Variants in TANGO6 observed in about 807,000 individuals in gnomAD.
TANGO6 encodes transport and golgi organization 6 homolog, also known as transport and Golgi organization protein 6 homolog.
In TANGO6, 90 loss-of-function variants were observed where a neutral mutation model predicts 114.2. The ratio of observed to expected loss-of-function variants is 0.79; its 90% CI spans 0.66 to 0.94. The LOEUF is 0.94. TANGO6 is among the 40% of genes least tolerant of loss of function. The pLI is 0.00. For missense variants in TANGO6, 1,274 were observed against 1,315.3 expected, an observed-to-expected ratio of 0.97 and a Z score of 0.49; for synonymous variants, 477 against 509.8, an observed-to-expected ratio of 0.94 and a Z score of 0.87.
intron 14 of TANGO6, among the ~76,000 whole-genome samples, chr16:68,932,186 G>A (rs755903677): frequency 5.9e-5 from 9 of 152,128 alleles, no homozygotes; most frequent in Non-Finnish European, 1.3e-4. Context: ...CGCCTCCCGG[G>A]TTCAAGCGAT....
chr16:68,887,458 G>T (rs1962554519), intron 7 of TANGO6, among the ~76,000 whole-genome samples: 1 of 152,178 alleles, frequency 6.6e-6, no homozygotes, highest in Non-Finnish European at 1.5e-5. Flanking sequence ...TGCCAGCAGA[G>T]AGGAACAAGA....
intron 9 of TANGO6, among the ~76,000 whole-genome samples, 195 bp from the exon 10 acceptor site, chr16:68,907,248 A>G (rs1350434520): frequency 6.6e-6 from 1 of 152,048 alleles, no homozygotes; most frequent in Non-Finnish European, 1.5e-5. Context: ...CGCCTGGCCC[A>G]TAACAGCCTA....
At chr16:69,059,153 C>T (rs1960078818) in intron 17 of TANGO6, among the ~76,000 whole-genome samples, 1 of 151,488 alleles carries the variant, frequency 6.6e-6, no homozygotes, top group Non-Finnish European at 1.5e-5. Flanking sequence ...TGGCTCACTA[C>T]AACCTCTGCC....
intron 15 of TANGO6, among the ~76,000 whole-genome samples, chr16:68,975,628 G>A: frequency 6.6e-6 from 1 of 151,866 alleles, no homozygotes; most frequent in African/African-American, 2.4e-5. Flanking sequence ...TGCATTCATG[G>A]CTTACTGCAG....
chr16:68,974,585 T>G (rs1963742539), intron 15 of TANGO6, among the ~76,000 whole-genome samples: 1 of 152,106 alleles, frequency 6.6e-6, no homozygotes, highest in African/African-American at 2.4e-5. Context: ...CGCTTGAACC[T>G]GGGAGGCAGA....
chr16:68,895,361 TATAAA>T (rs945150232), intron 7 of TANGO6, among the ~76,000 whole-genome samples: 1 of 151,986 alleles, frequency 6.6e-6, no homozygotes, highest in Non-Finnish European at 1.5e-5. Flanking sequence ...AAAATAAAAA[TATAAA>T]ATAAAAAAAT....
At chr16:68,930,408 C>T (rs999087508) in intron 14 of TANGO6, 113 bp downstream of exon 14, 7 of 824,052 alleles carry the variant, frequency 8.5e-6, no homozygotes, top group Admixed American at 2.4e-5. Context: ...TCATTTTGTC[C>T]GTCTTCCTGC....
intron 12 of TANGO6, among the ~76,000 whole-genome samples, chr16:68,924,841 G>A (rs1022849720): frequency 6.6e-6 from 1 of 151,886 alleles, no homozygotes; most frequent in Non-Finnish European, 1.5e-5. Flanking sequence ...GCCACCCAGT[G>A]CATTTCCCTG....
intron 6 of TANGO6, among the ~76,000 whole-genome samples, chr16:68,878,779 A>G (rs1026348232): frequency 6.6e-6 from 1 of 152,070 alleles, no homozygotes; most frequent in Admixed American, 6.6e-5. Flanking sequence ...CCAGAATTCA[A>G]TCAAGAATCA....
At chr16:68,877,383 G>T (rs1379313849) in intron 5 of TANGO6, among the ~76,000 whole-genome samples, 3 of 149,884 alleles carry the variant, frequency 2.0e-5, no homozygotes, top group Non-Finnish European at 4.4e-5. Context: ...CAGGAGAATT[G>T]CTTGAACCTG....
At chr16:69,007,300 C>T (rs1243283201) in intron 15 of TANGO6, 12 of 110,698 alleles carry the variant, frequency 1.1e-4, no homozygotes, top group Non-Finnish European at 1.9e-4. Context: ...GACTGAGTTT[C>T]GCTCTGTCAC....
At chr16:69,067,256 C>T (rs1245031785) in intron 17 of TANGO6, among the ~76,000 whole-genome samples, 1 of 152,086 alleles carries the variant, frequency 6.6e-6, no homozygotes, top group East Asian at 1.9e-4. Context: ...TGCCTGTTAT[C>T]CCAGCACTTT....
At chr16:68,888,546 G>A (rs958980764) in intron 7 of TANGO6, among the ~76,000 whole-genome samples, 7 of 152,162 alleles carry the variant, frequency 4.6e-5, no homozygotes, top group African/African-American at 1.7e-4. Context: ...AAACTGGGAG[G>A]CACTTAAGTA....
chr16:69,042,978 A>G (rs1959796268), intron 17 of TANGO6, among the ~76,000 whole-genome samples: 1 of 152,168 alleles, frequency 6.6e-6, no homozygotes, highest in Admixed American at 6.5e-5. Flanking sequence ...TAATCCCAGC[A>G]CTTTGGGAGG....
intron 17 of TANGO6, among the ~76,000 whole-genome samples, chr16:69,068,004 G>A (rs1960244640): frequency 6.6e-6 from 1 of 151,262 alleles, no homozygotes; most frequent in South Asian, 2.1e-4. Context: ...AGCCAGGCAT[G>A]GTGGCACATG....
chr16:69,013,357 T>A (rs1330184616), intron 15 of TANGO6, among the ~76,000 whole-genome samples: 1 of 152,088 alleles, frequency 6.6e-6, no homozygotes, highest in African/African-American at 2.4e-5. Flanking sequence ...ACACCTGTAA[T>A]CCAGCACTTT....
chr16:69,076,947 AGATC>A (rs1960389331), intron 17 of TANGO6, among the ~76,000 whole-genome samples: 2 of 152,142 alleles, frequency 1.3e-5, no homozygotes, highest in African/African-American at 4.8e-5. Flanking sequence ...TAGTAAGCCA[AGATC>A]GCACCACTGA....
intron 15 of TANGO6, among the ~76,000 whole-genome samples, chr16:69,001,969 T>C (rs189243540): frequency 4.5e-4 from 69 of 152,174 alleles, no homozygotes; most frequent in Middle Eastern, 6.8e-3. Context: ...AAAAGTTCTC[T>C]CATAATGCAA....
At chr16:68,973,807 TC>T in intron 14 of TANGO6, 1 of 559,912 alleles carries the variant, frequency 1.8e-6, no homozygotes, top group Non-Finnish European at 3.2e-6. Context: ...ACCTTAGAGA[TC>T]GTATCAGGCT....
Sources: allele counts gnomAD v4.1 joint callset (sites outside exome capture counted in the v4.1 genomes callset), GRCh38; gene constraint gnomAD v4.1.1; transcripts MANE v1.5; gene names NCBI Gene and HGNC (gene_info 2026-07-23, HGNC 2026-07-21).